The following EPHB1 variants were observed in gnomAD, a reference collection of about 807,000 sequenced individuals.
The protein encoded by EPHB1 is EPH receptor B1.
Under a neutral mutation model 94.4 loss-of-function variants are expected in EPHB1, and 30 were observed. The observed-to-expected ratio is 0.32, with a 90% CI of 0.24 to 0.43. The LOEUF is 0.43. Among genes scored for constraint, EPHB1 ranks in the 20% least tolerant of loss-of-function variants. The pLI, the probability that EPHB1 is intolerant of heterozygous loss-of-function variation, is 1.00. For synonymous variants in EPHB1, 522 were observed against 489.1 expected, an observed-to-expected ratio of 1.07 and a Z score of -0.89; for missense variants, 1,055 against 1,308.3, an observed-to-expected ratio of 0.81 and a Z score of 2.99.
At position 135,259,035 on chromosome 3, in the gene EPHB1, C is replaced by A. The variant is rs773298865; in HGVS notation, c.2870C>A (p.Thr957Asn). The A allele has an allele frequency of 6.2e-7, 1 of 1,609,318 alleles. No homozygotes were observed. The highest frequency in any genetic ancestry group is 2.2e-5 in the East Asian group (1 of 44,788). Residue 957 changes from threonine (T) to asparagine (N), a missense_variant, in exon 16 of 16, where the codon ACC becomes AAC. By Grantham distance (65) the Thr-to-Asn change is moderately conservative. Coordinates refer to ENST00000398015, the MANE Select transcript of EPHB1 (RefSeq NM_004441.5). The part of the protein sequence containing the change: ...TSEDLLRIGI[T>N]LAGHQKKILN... ...AGAGACCTCCTGAGAATAGGCATCACCTTGGCAGGCCATCAGAAGAAGATC... is the reference window on the plus strand; with the variant it reads ...AGAGACCTCCTGAGAATAGGCATCAACTTGGCAGGCCATCAGAAGAAGATC...
At chr3:134,819,493 C>T (rs2036339323) in intron 1 of EPHB1, among the ~76,000 whole-genome samples, 1 of 152,134 alleles carries the variant, frequency 6.6e-6, no homozygotes, top group African/African-American at 2.4e-5. Flanking sequence ...GAATCATATC[C>T]CATTATAGGG....
At chr3:135,205,065 C>T (rs2107714288) in intron 12 of EPHB1, among the ~76,000 whole-genome samples, 1 of 151,754 alleles carries the variant, frequency 6.6e-6, no homozygotes, top group East Asian at 1.9e-4. Flanking sequence ...CTGTACCTGG[C>T]TTATTTCACT....
chr3:135,184,780 T>C (rs951376638), intron 10 of EPHB1, among the ~76,000 whole-genome samples: 10 of 152,204 alleles, frequency 6.6e-5, no homozygotes, highest in African/African-American at 1.7e-4. Flanking sequence ...AATTGAAGTA[T>C]CTTCACAGAG....
At chr3:135,031,693 A>G (rs931884488) in intron 3 of EPHB1, among the ~76,000 whole-genome samples, 2 of 152,226 alleles carry the variant, frequency 1.3e-5, no homozygotes, top group Non-Finnish European at 2.9e-5. Flanking sequence ...GCCAATCAAA[A>G]TTCTATAATA....
chr3:135,120,514 C>T (rs567371387), intron 4 of EPHB1, among the ~76,000 whole-genome samples: 10 of 152,124 alleles, frequency 6.6e-5, no homozygotes, highest in Non-Finnish European at 1.5e-4. Flanking sequence ...GTGTTTGTCA[C>T]CAGAGATACA....
chr3:134,892,149 T>G (rs2037996794), intron 1 of EPHB1, among the ~76,000 whole-genome samples: 1 of 152,242 alleles, frequency 6.6e-6, no homozygotes, highest in Non-Finnish European at 1.5e-5. Flanking sequence ...GAATGTACTT[T>G]TCCACAGAAA....
chr3:135,145,886 A>T (rs1189821825), intron 5 of EPHB1, among the ~76,000 whole-genome samples: 1 of 152,206 alleles, frequency 6.6e-6, no homozygotes, highest in Non-Finnish European at 1.5e-5. Flanking sequence ...TGTTAGAACT[A>T]AGGGATTTTC....
intron 1 of EPHB1, among the ~76,000 whole-genome samples, chr3:134,910,996 T>C (rs1246728256): frequency 6.6e-6 from 1 of 152,210 alleles, no homozygotes; most frequent in Non-Finnish European, 1.5e-5. Context: ...AGTGGAGTGA[T>C]TGAGACCTGC....
At chr3:134,810,407 C>T (rs928772409) in intron 1 of EPHB1, among the ~76,000 whole-genome samples, 4 of 151,936 alleles carry the variant, frequency 2.6e-5, no homozygotes, top group African/African-American at 9.7e-5. Context: ...TTAACAGCAC[C>T]AGGCCTCCAC....
chr3:134,795,526 G>T lies in EPHB1; in HGVS notation c.-106G>T, dbSNP rs1271572210. The T allele has an allele frequency of 2.0e-5, 22 of 1,102,088 alleles. No individual in the cohort carries two copies. The highest frequency in any genetic ancestry group is 2.9e-5 in the Non-Finnish European group (22 of 767,780). The allele number at this position is 1,102,088 out of a possible 1,614,324, so 68.3% of individuals were successfully genotyped here. A position where few individuals can be genotyped will look rare whatever the true frequency, so the allele number is the denominator to read the frequency against. ...TCCGGTCCGGGCGAGAGCGCGAAAG[G>T]ATACCGAGAAGCCACCCGCGGAGAG... On this transcript the variant is annotated 5_prime_UTR_variant, in exon 1 of 16. Coordinates refer to ENST00000398015, the MANE Select transcript of EPHB1 (RefSeq NM_004441.5).
chr3:135,069,918 G>A (rs1937649482), intron 3 of EPHB1, among the ~76,000 whole-genome samples: 1 of 152,056 alleles, frequency 6.6e-6, no homozygotes, highest in South Asian at 2.1e-4. Flanking sequence ...TACTTGTTTG[G>A]TCAAATAACT....
intron 1 of EPHB1, among the ~76,000 whole-genome samples, chr3:134,891,307 A>G (rs1419792268): frequency 6.6e-6 from 1 of 152,146 alleles, no homozygotes; most frequent in Non-Finnish European, 1.5e-5. Flanking sequence ...ACAGGGTTTC[A>G]CTATGTTGCC....
Position 135,190,678 on chromosome 3 carries a change from C to T in EPHB1, c.1883-1898C>T, listed in dbSNP as rs138224290. Among the ~76,000 whole-genome samples the T allele has an allele frequency of 3.2e-4, 48 of 152,252 alleles. No individual in the cohort carries two copies. In the East Asian group the frequency reaches 8.5e-3, roughly 27 times the overall value. On this transcript the variant is annotated intron_variant, in intron 10 of 15. Transcript: ENST00000398015. ...TAGTGTTTGTCTATAGAAGATGATG[C>T]TGCAGTAAATATATTTTTAACATAC...
intron 1 of EPHB1, among the ~76,000 whole-genome samples, chr3:134,802,343 C>G (rs1278854980): frequency 2.0e-5 from 3 of 148,786 alleles, no homozygotes; most frequent in Non-Finnish European, 3.0e-5. Context: ...GAGACTCTGT[C>G]TCACGAAAAA....
At chr3:135,057,098 C>T (rs1357028915) in intron 3 of EPHB1, among the ~76,000 whole-genome samples, 5 of 152,190 alleles carry the variant, frequency 3.3e-5, no homozygotes, top group Admixed American at 1.3e-4. Context: ...TTCCTGCTGC[C>T]TCTGCTCCCA....
Position 135,052,058 on chromosome 3 carries a change from A to G in EPHB1, c.806-54390A>G, listed in dbSNP as rs61121546. On this transcript the variant is annotated intron_variant, in intron 3 of 15. Transcript: ENST00000398015. ...CAATAATGTAACACATGACTTTGTC[A>G]GTATAATGTTAATCTGTCCTAGGAA... is the stretch of plus-strand genomic sequence containing the variant. Among the ~76,000 whole-genome samples the G allele has an allele frequency of 8.3e-3, 1,260 of 152,352 alleles. 18 individuals are homozygous for G. The highest frequency in any genetic ancestry group is 0.029 in the African/African-American group (1,213 of 41,588).
intron 3 of EPHB1, among the ~76,000 whole-genome samples, chr3:135,040,523 G>T (rs1454927675): frequency 2.0e-5 from 3 of 152,248 alleles, no homozygotes; most frequent in African/African-American, 7.2e-5. Flanking sequence ...GCCCTGACCT[G>T]CAGGAGTGTG....
intron 3 of EPHB1, among the ~76,000 whole-genome samples, chr3:135,082,931 A>C (rs1318089932): frequency 1.3e-5 from 2 of 152,074 alleles, no homozygotes; most frequent in Non-Finnish European, 2.9e-5. Flanking sequence ...GACGTTCTGT[A>C]GTTGAGGCAT....
intron 3 of EPHB1, among the ~76,000 whole-genome samples, chr3:135,102,603 A>G (rs1185315992): frequency 6.6e-6 from 1 of 152,230 alleles, no homozygotes; most frequent in Admixed American, 6.5e-5. Flanking sequence ...TAGCACAACA[A>G]TGTAAAAGTT....
Sources: allele counts gnomAD v4.1 joint callset (sites outside exome capture counted in the v4.1 genomes callset), GRCh38; gene constraint gnomAD v4.1.1; transcripts MANE v1.5; gene names NCBI Gene and HGNC (gene_info 2026-07-23, HGNC 2026-07-21).